The following SUPT3H variants were observed in gnomAD, a reference collection of about 807,000 sequenced individuals.
SUPT3H encodes the protein SPT3 homolog, SAGA and STAGA complex component.
Under a neutral mutation model 44.3 loss-of-function variants are expected in SUPT3H, and 44 were observed. That is an observed-to-expected ratio of 0.99 (90% CI 0.78 to 1.28). SUPT3H has a LOEUF of 1.28. Ranked by LOEUF, SUPT3H falls within the 50% of genes most tolerant of loss-of-function variation. The pLI is 0.00. For synonymous variants in SUPT3H, 124 were observed against 125.6 expected (o/e 0.99, Z 0.09); for missense variants, 380 against 387.1 (o/e 0.98, Z 0.15).
At chr6:45,203,576 G>A (rs548978293) in intron 2 of SUPT3H, among the ~76,000 whole-genome samples, 1 of 152,204 alleles carries the variant, frequency 6.6e-6, no homozygotes, top group Admixed American at 6.5e-5. Context: ...TGCAAATCAG[G>A]TCACTTTATG....
intron 2 of SUPT3H, among the ~76,000 whole-genome samples, chr6:45,113,243 A>T (rs1472119266): frequency 6.6e-6 from 1 of 152,066 alleles, no homozygotes; most frequent in Non-Finnish European, 1.5e-5. Flanking sequence ...AGTCAGCTAA[A>T]CTAGTACTAG....
intron 3 of SUPT3H, among the ~76,000 whole-genome samples, chr6:45,062,550 C>G (rs929275742): frequency 6.6e-6 from 1 of 152,168 alleles, no homozygotes; most frequent in South Asian, 2.1e-4. Context: ...TCTGAGGTAC[C>G]GGGTGCATCT....
intron 2 of SUPT3H, among the ~76,000 whole-genome samples, chr6:45,329,481 C>A (rs1205044054): frequency 6.6e-6 from 1 of 151,924 alleles, no homozygotes; most frequent in Admixed American, 6.6e-5. Context: ...TTAAAACTTA[C>A]ATGCAACTGC....
chr6:45,200,132 AAC>A (rs1412619847), intron 2 of SUPT3H, among the ~76,000 whole-genome samples: 1 of 151,578 alleles, frequency 6.6e-6, no homozygotes, highest in Non-Finnish European at 1.5e-5. Flanking sequence ...ATGAAAGAAA[AAC>A]ATTTATAATT....
At chr6:44,830,726 A>C (rs1768509571) in intron 10 of SUPT3H, among the ~76,000 whole-genome samples, 1 of 152,010 alleles carries the variant, frequency 6.6e-6, no homozygotes, top group South Asian at 2.1e-4. Context: ...TAAACTAGTA[A>C]CAGTCACATC....
At chr6:45,277,979 A>G (rs1298504981) in intron 2 of SUPT3H, among the ~76,000 whole-genome samples, 1 of 152,196 alleles carries the variant, frequency 6.6e-6, no homozygotes, top group Non-Finnish European at 1.5e-5. Flanking sequence ...CTTTGCAGGG[A>G]CATGGATGAA....
intron 2 of SUPT3H, among the ~76,000 whole-genome samples, chr6:45,153,872 A>T (rs1328526210): frequency 1.3e-5 from 2 of 152,090 alleles, no homozygotes; most frequent in East Asian, 3.9e-4. Flanking sequence ...GTTCGAAACC[A>T]GCCTAACCAA....
At chr6:44,950,578 T>G (rs1055792398) in intron 9 of SUPT3H, among the ~76,000 whole-genome samples, 6 of 152,048 alleles carry the variant, frequency 3.9e-5, no homozygotes, top group Admixed American at 6.6e-5. Flanking sequence ...TGCCTGTGAA[T>G]AGCCACTGCA....
rs566506236 is a variant in SUPT3H at position 45,070,928 on chromosome 6, C to T, written c.186+34994G>A. Among the ~76,000 whole-genome samples the T allele has an allele frequency of 1.9e-3, 285 of 152,038 alleles. 1 individual carries two copies. The highest frequency in any genetic ancestry group is 6.2e-3 in the African/African-American group (259 of 41,494). On this transcript the variant is annotated intron_variant, in intron 3 of 10. Transcript: ENST00000371459. ...ATGTATAAGCAACAAACATCCGAGC[C>T]GCAAAACAAATTCCCTATTCTTTGT...
intron 3 of SUPT3H, among the ~76,000 whole-genome samples, chr6:45,079,336 A>T (rs1225746617): frequency 6.6e-6 from 1 of 151,878 alleles, no homozygotes; most frequent in Admixed American, 6.6e-5. Context: ...AACCACACTC[A>T]GCAAAAAGGA....
intron 2 of SUPT3H, among the ~76,000 whole-genome samples, chr6:45,252,959 C>T (rs933558995): frequency 3.3e-5 from 5 of 151,866 alleles, no homozygotes. Context: ...GTGAGCCTAA[C>T]CATCTTCAGT....
rs992030537 is a variant in SUPT3H at position 44,829,761 on chromosome 6, C to A, written c.*55G>T. ...GTATTTTATTTTGTTCACAAGAAAT[C>A]ACCTTAATATAACATTGCCTTTCCT... On this transcript the variant is annotated 3_prime_UTR_variant, in exon 11 of 11. Transcript: ENST00000371459. The A allele has an allele frequency of 6.3e-7, 1 of 1,576,160 alleles. No homozygotes were observed. The highest frequency in any genetic ancestry group is 8.7e-7 in the Non-Finnish European group (1 of 1,152,870).
At chr6:44,937,520 T>C (rs1771656008) in intron 9 of SUPT3H, among the ~76,000 whole-genome samples, 1 of 151,700 alleles carries the variant, frequency 6.6e-6, no homozygotes, top group African/African-American at 2.4e-5. Context: ...CTGTTTTCAA[T>C]AGAAGTTGTA....
chr6:45,126,232 T>C (rs1802411167), intron 2 of SUPT3H, among the ~76,000 whole-genome samples: 1 of 152,216 alleles, frequency 6.6e-6, no homozygotes, highest in Non-Finnish European at 1.5e-5. Context: ...CATTTAATAA[T>C]GTGGCTGTGT....
intron 2 of SUPT3H, among the ~76,000 whole-genome samples, chr6:45,178,505 A>G (rs1332392296): frequency 6.6e-6 from 1 of 151,768 alleles, no homozygotes; most frequent in Non-Finnish European, 1.5e-5. Flanking sequence ...AGACAGATCA[A>G]CGAGACAGAC....
chr6:45,268,142 T>C (rs550776332), intron 2 of SUPT3H, among the ~76,000 whole-genome samples: 1 of 152,290 alleles, frequency 6.6e-6, no homozygotes, highest in East Asian at 1.9e-4. Flanking sequence ...TGGAAACAAT[T>C]AGTTCCTTCT....
chr6:45,057,652 T>C (rs1157294743), intron 3 of SUPT3H, among the ~76,000 whole-genome samples: 1 of 152,150 alleles, frequency 6.6e-6, no homozygotes, highest in Non-Finnish European at 1.5e-5. Flanking sequence ...TAGTCATGTG[T>C]CTCATTGAGA....
At chr6:45,175,906 C>A (rs570225942) in intron 2 of SUPT3H, among the ~76,000 whole-genome samples, 1 of 152,224 alleles carries the variant, frequency 6.6e-6, no homozygotes, top group African/African-American at 2.4e-5. Context: ...TGGCTGATTT[C>A]CTTTGAATTA....
In SUPT3H at chr6:44,919,197, C is replaced by T. The variant is rs918418795; in HGVS notation, c.912+13456G>A. ...GGGCGTGGAAGAGCAATGACAGAGA[C>T]GATAGCTTCTCACAGAGATAAAAGC... On this transcript the variant is annotated intron_variant, in intron 10 of 10. Transcript: ENST00000371459. 6.6e-5 allele frequency among the ~76,000 whole-genome samples: 10 copies of T among 152,108 alleles called. No homozygotes were observed. In the East Asian group the frequency reaches 1.2e-3, roughly 18 times the overall value.
Sources: allele counts gnomAD v4.1 joint callset (sites outside exome capture counted in the v4.1 genomes callset), GRCh38; gene constraint gnomAD v4.1.1; transcripts MANE v1.5; gene names NCBI Gene and HGNC (gene_info 2026-07-23, HGNC 2026-07-21).